CCDC63: variants seen among roughly 807,000 people sequenced by gnomAD.
The protein encoded by CCDC63 is coiled-coil domain-containing protein 63.
CCDC63 carries 54 observed loss-of-function variants against 63.6 expected under a neutral mutation model. The observed-to-expected ratio is 0.85, with a 90% CI of 0.68 to 1.07. CCDC63 has a LOEUF of 1.07. CCDC63 is among the 50% of genes least tolerant of loss of function. CCDC63 has a pLI of 0.00. For missense variants in CCDC63, 637 were observed against 689.6 expected (o/e 0.92, Z 0.86); for synonymous variants, 253 against 266.1 (o/e 0.95, Z 0.48).
At chr12:110,846,534 A>AT (rs1042334549), upstream of CCDC63, among the ~76,000 whole-genome samples, 14 of 150,660 alleles carry the variant, frequency 9.3e-5, no homozygotes, top group South Asian at 4.2e-4. Flanking sequence ...CCGCCCCAAC[A>AT]TTTTTTTTTA....
At chr12:110,868,590 G>A (rs1160458024) in intron 4 of CCDC63, among the ~76,000 whole-genome samples, 29 of 151,768 alleles carry the variant, frequency 1.9e-4, no homozygotes, top group Admixed American at 1.6e-3. Context: ...GTGTGGCGGC[G>A]CGTGCCTGCA....
At chr12:110,883,482 C>CACAGTG (rs1292898065) in intron 7 of CCDC63, among the ~76,000 whole-genome samples, 1 of 152,192 alleles carries the variant, frequency 6.6e-6, no homozygotes, top group African/African-American at 2.4e-5. Flanking sequence ...CAGTGCCTAG[C>CACAGTG]ACAGTGTGTG....
At chr12:110,867,615 G>A (rs1411026460) in intron 4 of CCDC63, among the ~76,000 whole-genome samples, 10 of 129,442 alleles carry the variant, frequency 7.7e-5, no homozygotes, top group South Asian at 5.1e-4. Context: ...GCGGCTGGCC[G>A]GGCAGAGGGG....
intron 8 of CCDC63, among the ~76,000 whole-genome samples, chr12:110,888,168 A>G (rs2071309342): frequency 6.6e-6 from 1 of 151,796 alleles, no homozygotes. Flanking sequence ...TTGCTAACTG[A>G]GGTTCAGGCG....
intron 4 of CCDC63, among the ~76,000 whole-genome samples, chr12:110,867,303 C>T (rs2070974470): frequency 9.8e-6 from 1 of 102,448 alleles, no homozygotes; most frequent in Non-Finnish European, 2.0e-5. Context: ...GGCGGCCGGG[C>T]AGAGGCGCCC....
chr12:110,857,034 A>T (rs1463479007), intron 3 of CCDC63, among the ~76,000 whole-genome samples: 2 of 151,894 alleles, frequency 1.3e-5, no homozygotes, highest in African/African-American at 4.8e-5. Context: ...CAAACTCCTG[A>T]GTTCAAGCAA....
intron 4 of CCDC63, among the ~76,000 whole-genome samples, chr12:110,862,179 G>A (rs1012529805): frequency 2.6e-5 from 4 of 152,210 alleles, no homozygotes; most frequent in East Asian, 1.9e-4. Flanking sequence ...AGGAGCTGGG[G>A]CCATGGGTCT....
At chr12:110,896,140 T>G (rs554386670) in intron 9 of CCDC63, among the ~76,000 whole-genome samples, 23 of 151,960 alleles carry the variant, frequency 1.5e-4, no homozygotes, top group Non-Finnish European at 2.9e-4. Context: ...GCACTTTTAT[T>G]ATAATTTATT....
intron 4 of CCDC63, among the ~76,000 whole-genome samples, chr12:110,864,506 C>G (rs1009031563): frequency 6.6e-6 from 1 of 151,566 alleles, no homozygotes; most frequent in Non-Finnish European, 1.5e-5. Context: ...GGAGGATCAC[C>G]TGAGGTCAGG....
chr12:110,853,610 T>C (rs1183115910), intron 3 of CCDC63, 36 bp downstream of exon 3: 1 of 1,612,638 alleles, frequency 6.2e-7, no homozygotes, highest in African/African-American at 1.3e-5. Flanking sequence ...TGAGTGACCT[T>C]GGAGGAAAGT....
chr12:110,873,497 A>G (rs2136683508), intron 4 of CCDC63, among the ~76,000 whole-genome samples: 1 of 152,328 alleles, frequency 6.6e-6, no homozygotes, highest in South Asian at 2.1e-4. Context: ...TTTCTGCTGG[A>G]AACCATGGCT....
intron 1 of CCDC63, among the ~76,000 whole-genome samples, chr12:110,847,399 T>A (rs546626197): frequency 1.3e-5 from 2 of 151,900 alleles, no homozygotes; most frequent in South Asian, 4.2e-4. Context: ...ACAAAATATT[T>A]AAAAACTTAG....
intron 3 of CCDC63, 68 bp from the exon 4 acceptor site, chr12:110,858,518 G>A (rs1302749167): frequency 6.3e-6 from 9 of 1,424,102 alleles, no homozygotes; most frequent in Non-Finnish European, 8.6e-6. Flanking sequence ...CAGGGCTGAT[G>A]TGCCTGGAGT....
chr12:110,853,279 AG>A, intron 2 of CCDC63, 125 bp from the exon 3 acceptor site: 1 of 932,098 alleles, frequency 1.1e-6, no homozygotes. Flanking sequence ...ACATCACCCA[AG>A]GGAAGGTCTT....
intron 9 of CCDC63, among the ~76,000 whole-genome samples, chr12:110,897,655 A>T (rs2071430534): frequency 6.6e-6 from 1 of 151,700 alleles, no homozygotes; most frequent in Admixed American, 6.6e-5. Flanking sequence ...GATAATATGG[A>T]TAAATCTACA....
At chr12:110,896,360 G>A (rs911175305) in intron 9 of CCDC63, among the ~76,000 whole-genome samples, 6 of 152,114 alleles carry the variant, frequency 3.9e-5, no homozygotes, top group Non-Finnish European at 8.8e-5. Flanking sequence ...GCAGCCCTGG[G>A]AACTAAACAT....
intron 8 of CCDC63, among the ~76,000 whole-genome samples, chr12:110,887,596 G>A (rs924021140): frequency 1.1e-4 from 16 of 151,942 alleles, no homozygotes; most frequent in African/African-American, 3.6e-4. Flanking sequence ...CCTTCTTCTG[G>A]CACCTTTGCT....
intron 1 of CCDC63, among the ~76,000 whole-genome samples, chr12:110,851,108 T>A (rs574730773): frequency 6.6e-6 from 1 of 152,214 alleles, no homozygotes; most frequent in Non-Finnish European, 1.5e-5. Flanking sequence ...TCAGTTTATG[T>A]GCTAAATAGA....
chr12:110,878,127 CAG>C (rs1191807871), intron 5 of CCDC63, among the ~76,000 whole-genome samples: 4 of 152,150 alleles, frequency 2.6e-5, no homozygotes, highest in Non-Finnish European at 5.9e-5. Flanking sequence ...TGGCAAATGG[CAG>C]AGTCTCCTTT....
Sources: allele counts gnomAD v4.1 joint callset (sites outside exome capture counted in the v4.1 genomes callset), GRCh38; gene constraint gnomAD v4.1.1; transcripts MANE v1.5; gene names NCBI Gene and HGNC (gene_info 2026-07-23, HGNC 2026-07-21).